ZMPSTE24: variants seen among roughly 807,000 people sequenced by gnomAD.
ZMPSTE24 encodes the protein zinc metallopeptidase STE24.
Under a neutral mutation model 56.7 loss-of-function variants are expected in ZMPSTE24, and 48 were observed. The observed-to-expected ratio is 0.85, with a 90% CI of 0.67 to 1.08. The LOEUF (loss-of-function observed/expected upper bound fraction) is 1.08, where lower values mean the gene tolerates loss of function less well. Among genes scored for constraint, ZMPSTE24 ranks in the 50% least tolerant of loss-of-function variants. The pLI, the probability that ZMPSTE24 is intolerant of heterozygous loss-of-function variation, is 0.00. For synonymous variants in ZMPSTE24, 172 were observed against 195.2 expected, an observed-to-expected ratio of 0.88 and a Z score of 0.99; for missense variants, 503 against 548.7, an observed-to-expected ratio of 0.92 and a Z score of 0.83.
intron 7 of ZMPSTE24, 67 bp downstream of exon 7, chr1:40,281,594 T>C: frequency 6.7e-7 from 1 of 1,500,884 alleles, no homozygotes; most frequent in Admixed American, 1.9e-5. Context: ...CAACTCAAAA[T>C]AACATCAATT....
Position 40,292,965 on chromosome 1 carries a change from T to C in ZMPSTE24, c.*296T>C, listed in dbSNP as rs990763063. 1.3e-4 allele frequency: 44 copies of C among 329,702 alleles called. No homozygotes were observed. The highest frequency in any genetic ancestry group is 2.3e-4 in the Non-Finnish European group (40 of 173,128). 20.4% of individuals were successfully genotyped at this position (329,702 alleles called of 1,614,324 possible). A position where few individuals can be genotyped will look rare whatever the true frequency, so the allele number is the denominator to read the frequency against. On this transcript the variant is annotated 3_prime_UTR_variant, in exon 10 of 10. Coordinates refer to ENST00000372759, the MANE Select transcript of ZMPSTE24 (RefSeq NM_005857.5). ...ACAGAACTCGTTTTATTTGTATACTTATATGGAATCTGCATGTGAGGTGTT... is the reference window on the plus strand; with the variant it reads ...ACAGAACTCGTTTTATTTGTATACTCATATGGAATCTGCATGTGAGGTGTT...
intron 8 of ZMPSTE24, among the ~76,000 whole-genome samples, chr1:40,288,768 C>T (rs997276844): frequency 6.6e-6 from 1 of 152,176 alleles, no homozygotes; most frequent in Non-Finnish European, 1.5e-5. Flanking sequence ...AAGTTTTTCA[C>T]ATACCTCTTT....
rs1274677776 is a variant in ZMPSTE24 at position 40,271,873 on chromosome 1, AT to A, written c.628-19del. On this transcript the variant is annotated intron_variant, in intron 5 of 9. Coordinates refer to ENST00000372759, the MANE Select transcript of ZMPSTE24 (RefSeq NM_005857.5). ...TTCTTTAAGAACATGTTCATATGTT[AT>A]TCTGACATTTACTTTTCAGGTTCTT... The A allele has an allele frequency of 1.9e-6, 3 of 1,612,530 alleles. No homozygotes were observed. The South Asian group carries it at 3.3e-5, about 18-fold the overall frequency.
intron 6 of ZMPSTE24, 117 bp from the exon 7 acceptor site, chr1:40,281,226 A>G (rs916000692): frequency 9.7e-7 from 1 of 1,028,750 alleles, no homozygotes; most frequent in Admixed American, 1.9e-5. Context: ...TTTTCTTCAC[A>G]TATTAAATGA....
chr1:40,266,761 G>GTTTTTTTT (rs3075102), intron 2 of ZMPSTE24, among the ~76,000 whole-genome samples: 1 of 88,116 alleles, frequency 1.1e-5, no homozygotes, highest in African/African-American at 4.8e-5. Flanking sequence ...TTTCGAACAA[G>GTTTTTTTT]TTTTTTTTTT....
At chr1:40,265,662 C>G (rs1643541816) in intron 2 of ZMPSTE24, among the ~76,000 whole-genome samples, 1 of 152,046 alleles carries the variant, frequency 6.6e-6, no homozygotes, top group East Asian at 1.9e-4. Flanking sequence ...TAACACTGCT[C>G]CCTAGCCTGA....
chr1:40,278,800 A>G (rs1643698380), intron 6 of ZMPSTE24, among the ~76,000 whole-genome samples: 1 of 152,194 alleles, frequency 6.6e-6, no homozygotes, highest in South Asian at 2.1e-4. Flanking sequence ...AAAGAAGTGC[A>G]TAAAGAAGAA....
chr1:40,274,129 C>T (rs1373911365), intron 6 of ZMPSTE24, among the ~76,000 whole-genome samples: 1 of 152,060 alleles, frequency 6.6e-6, no homozygotes, highest in Non-Finnish European at 1.5e-5. Context: ...GGCTTGGTGG[C>T]TCCAGCCTGT....
At chr1:40,261,944 C>T (rs1470437388) in intron 2 of ZMPSTE24, among the ~76,000 whole-genome samples, 5 of 152,138 alleles carry the variant, frequency 3.3e-5, no homozygotes, top group Non-Finnish European at 7.3e-5. Flanking sequence ...CTCTTGACCT[C>T]GTGATCTGCC....
intron 6 of ZMPSTE24, among the ~76,000 whole-genome samples, chr1:40,277,669 A>T (rs1019947657): frequency 7.9e-5 from 12 of 152,248 alleles, no homozygotes; most frequent in South Asian, 4.1e-4. Flanking sequence ...TAAATTAATT[A>T]AAAAATTTAG....
chr1:40,273,027 T>C (rs1643627749), intron 6 of ZMPSTE24, among the ~76,000 whole-genome samples: 1 of 152,198 alleles, frequency 6.6e-6, no homozygotes, highest in Non-Finnish European at 1.5e-5. Flanking sequence ...AATAAAACTT[T>C]ATGAAAATAA....
At chr1:40,259,137 G>T (rs1414771102) in intron 1 of ZMPSTE24, among the ~76,000 whole-genome samples, 1 of 152,084 alleles carries the variant, frequency 6.6e-6, no homozygotes, top group Middle Eastern at 3.4e-3. Context: ...CAGCCTGGGC[G>T]ACAAGAGTGA....
At chr1:40,262,955 G>C in intron 2 of ZMPSTE24, 1 of 1,017,356 alleles carries the variant, frequency 9.8e-7, no homozygotes, top group Non-Finnish European at 1.2e-6. Context: ...TGAATTCTCT[G>C]TTTAATAATG....
chr1:40,292,743 T>TC lies in ZMPSTE24; in HGVS notation c.*74_*75insC, dbSNP rs1643856887. The TC allele has an allele frequency of 2.1e-6, 3 of 1,444,064 alleles. No individual in the cohort carries two copies. The East Asian group carries it at 6.9e-5, about 33-fold the overall frequency. The allele number at this position is 1,444,064 out of a possible 1,614,324, so 89.5% of individuals were successfully genotyped here. On this transcript the variant is annotated 3_prime_UTR_variant, in exon 10 of 10. Coordinates refer to ENST00000372759, the MANE Select transcript of ZMPSTE24 (RefSeq NM_005857.5). ...GCAGCATGTTCCAGCTCTTGATGTT[T>TC]TTAAACTTTTTTTTAGAAGAAAAAT...
intron 7 of ZMPSTE24, among the ~76,000 whole-genome samples, chr1:40,285,307 A>G (rs149885289): frequency 0.014 from 2,174 of 152,034 alleles, 26 homozygotes; most frequent in Non-Finnish European, 0.024. Flanking sequence ...GGGTTTCACC[A>G]TGTTGGTCAG....
chr1:40,281,355 C>A lies in ZMPSTE24; in HGVS notation c.782C>A (p.Ser261Tyr). 3.7e-6 allele frequency: 6 copies of A among 1,613,986 alleles called. No individual in the cohort carries two copies. Among genetic ancestry groups the A allele is most frequent in the Non-Finnish European group, 5.1e-6 (6 of 1,179,918 alleles). The change falls in exon 7 of 10, where the codon TCT (serine) becomes TAT (tyrosine). Residue 261 changes from serine (S) to tyrosine (Y), a missense_variant. Ser to Tyr is a moderately radical substitution (Grantham distance 144). Transcript: ENST00000372759. ...GTCTTTTCCTTAGGATCTAAACGCT[C>A]TTCCCACAGCAATGCTTATTTTTAT... ...KVYVVEGSKR[S>Y]SHSNAYFYGF...
chr1:40,267,332 GTTATTTTATT>G (rs71060361), intron 2 of ZMPSTE24, among the ~76,000 whole-genome samples: 13,596 of 137,434 alleles, frequency 0.099, 905 homozygotes, highest in East Asian at 0.22. Flanking sequence ...ATTTTATTTT[GTTATTTTATT>G]TTATTTTATT....
chr1:40,280,345 G>A (rs1364587667), intron 6 of ZMPSTE24, among the ~76,000 whole-genome samples: 1 of 152,038 alleles, frequency 6.6e-6, no homozygotes, highest in Non-Finnish European at 1.5e-5. Flanking sequence ...GGCCAAATGC[G>A]TTGTTGATGT....
intron 5 of ZMPSTE24, 99 bp from the exon 6 acceptor site, chr1:40,271,795 A>T: frequency 7.4e-7 from 1 of 1,344,750 alleles, no homozygotes; most frequent in Non-Finnish European, 1.0e-6. Flanking sequence ...CTCAAGTTTG[A>T]GGTCAACATA....
Sources: allele counts gnomAD v4.1 joint callset (sites outside exome capture counted in the v4.1 genomes callset), GRCh38; gene constraint gnomAD v4.1.1; transcripts MANE v1.5; gene names NCBI Gene and HGNC (gene_info 2026-07-23, HGNC 2026-07-21).